CCND2: variants seen among roughly 807,000 people sequenced by gnomAD.
The protein encoded by CCND2 is G1/S-specific cyclin-D2.
In CCND2, 6 loss-of-function variants were observed where a neutral mutation model predicts 30.2. The observed-to-expected ratio is 0.20, with a 90% CI of 0.11 to 0.39. CCND2 has a LOEUF of 0.39. Among genes scored for constraint, CCND2 ranks in the 10% least tolerant of loss-of-function variants. CCND2 has a pLI of 1.00. For missense variants in CCND2, 235 were observed against 373.4 expected (o/e 0.63, Z 3.06); for synonymous variants, 150 against 153.1 (o/e 0.98, Z 0.15).
chr12:4,294,827 C>T lies in CCND2; in HGVS notation c.721-5033C>T, dbSNP rs553320897. On this transcript the variant is annotated intron_variant, in intron 4 of 4. Transcript: ENST00000261254. ...TGTGTATGTCTTCTTATAATCCAGCCCCTTTGGAAGCACTAACTCCACTCT... is the reference window on the plus strand; with the variant it reads ...TGTGTATGTCTTCTTATAATCCAGCTCCTTTGGAAGCACTAACTCCACTCT... Among the ~76,000 whole-genome samples the T allele has an allele frequency of 2.0e-5, 3 of 152,272 alleles. No individual in the cohort carries two copies. In the South Asian group the frequency reaches 6.2e-4, roughly 32 times the overall value.
At chr12:4,292,035 T>C (rs3217875) in intron 4 of CCND2, among the ~76,000 whole-genome samples, 10,507 of 152,192 alleles carry the variant, frequency 0.069, 586 homozygotes, top group East Asian at 0.28. Flanking sequence ...TGGAGAGTTC[T>C]GATGGCCACA....
In CCND2 at chr12:4,299,917, C is replaced by T. The variant is rs1445439577; in HGVS notation, c.778C>T (p.Gln260Ter). The T allele has an allele frequency of 1.2e-6, 2 of 1,614,122 alleles. No homozygotes were observed. The highest frequency in any genetic ancestry group is 1.7e-6 in the Non-Finnish European group (2 of 1,179,984). The change falls in exon 5 of 5, where the codon CAG (glutamine) becomes TAG (stop). Residue 260 changes from glutamine to a stop codon, truncating the protein, a stop_gained. Transcript: ENST00000261254. LOFTEE classifies it high-confidence loss of function. The surrounding 1 kb of genome is among the most constrained non-coding windows in gnomAD (Gnocchi z 5.2). ...GGCGGTGCTCCTCAATAGCCTGCAG[C>T]AGTACCGTCAGGACCAACGTGACGG... ...IEAVLLNSLQ[Q>*]YRQDQRDGSK...
Position 4,300,260 on chromosome 12 carries a change from A to T in CCND2, c.*251A>T. The T allele has an allele frequency of 2.5e-6, 1 of 400,062 alleles. No homozygotes were observed. The highest frequency in any genetic ancestry group is 4.5e-6 in the Non-Finnish European group (1 of 222,270). The allele number at this position is 400,062 out of a possible 1,614,324, so 24.8% of individuals were successfully genotyped here. A position where few individuals can be genotyped will look rare whatever the true frequency, so the allele number is the denominator to read the frequency against. ...TGTATATGCGAACAGTTATTGTTTG[A>T]TTATGTAAAAGTAATAGTAAAATGC... On this transcript the variant is annotated 3_prime_UTR_variant, in exon 5 of 5. Coordinates refer to ENST00000261254, the MANE Select transcript of CCND2 (RefSeq NM_001759.4).
intron 3 of CCND2, among the ~76,000 whole-genome samples, chr12:4,281,580 T>C (rs1342747027): frequency 2.0e-5 from 3 of 151,880 alleles, no homozygotes; most frequent in South Asian, 2.1e-4. Flanking sequence ...CTGGAGCTGA[T>C]GAAACACCTG....
chr12:4,278,402 G>A (rs368683690), intron 2 of CCND2, among the ~76,000 whole-genome samples: 16 of 152,094 alleles, frequency 1.1e-4, no homozygotes, highest in African/African-American at 3.9e-4. Context: ...GACCTTGGCC[G>A]TATCTCATTG....
intron 4 of CCND2, among the ~76,000 whole-genome samples, chr12:4,297,296 GC>G (rs2120585065): frequency 6.6e-6 from 1 of 152,216 alleles, no homozygotes; most frequent in African/African-American, 2.4e-5. Context: ...TTCAGGCCGG[GC>G]TCAGTGGCTT....
intron 4 of CCND2, among the ~76,000 whole-genome samples, chr12:4,296,412 G>A (rs1864168968): frequency 6.6e-6 from 1 of 152,260 alleles, no homozygotes; most frequent in Non-Finnish European, 1.5e-5. Flanking sequence ...CAAGGGCTGT[G>A]CCATGCGAAA....
At chr12:4,296,819 AAAAAC>A (rs1864176197) in intron 4 of CCND2, among the ~76,000 whole-genome samples, 1 of 152,364 alleles carries the variant, frequency 6.6e-6, no homozygotes, top group African/African-American at 2.4e-5. Context: ...TTGCAAGAAA[AAAAAC>A]AAAACAAAAA....
intron 4 of CCND2, among the ~76,000 whole-genome samples, chr12:4,295,367 G>A (rs1452180407): frequency 6.6e-6 from 1 of 152,210 alleles, no homozygotes; most frequent in African/African-American, 2.4e-5. Context: ...TTAGCGTCCT[G>A]CCTTACCACA....
chr12:4,294,323 T>C (rs947497436), intron 4 of CCND2, among the ~76,000 whole-genome samples: 3 of 152,004 alleles, frequency 2.0e-5, no homozygotes, highest in Non-Finnish European at 4.4e-5. Context: ...ATCATAGAAG[T>C]TGGAGGTCTG....
chr12:4,290,687 T>A (rs1864088828), intron 4 of CCND2, among the ~76,000 whole-genome samples: 1 of 151,392 alleles, frequency 6.6e-6, no homozygotes, highest in African/African-American at 2.4e-5. Flanking sequence ...CCCACCTCCC[T>A]TTGTCCCCCG....
intron 4 of CCND2, among the ~76,000 whole-genome samples, chr12:4,296,822 A>T (rs1192787755): frequency 6.6e-6 from 1 of 152,244 alleles, no homozygotes; most frequent in East Asian, 1.9e-4. Context: ...CAAGAAAAAA[A>T]ACAAAACAAA....
At chr12:4,290,226 C>G (rs904401635) in intron 4 of CCND2, among the ~76,000 whole-genome samples, 1 of 152,192 alleles carries the variant, frequency 6.6e-6, no homozygotes, top group African/African-American at 2.4e-5. Flanking sequence ...GGCATTTGTT[C>G]CCAGCTCAGA....
intron 2 of CCND2, among the ~76,000 whole-genome samples, chr12:4,277,870 C>T (rs1318080988): frequency 2.6e-5 from 4 of 152,244 alleles, no homozygotes; most frequent in African/African-American, 4.8e-5. Flanking sequence ...GTAGCACATA[C>T]GATATTTTTA....
chr12:4,274,776 A>T lies in CCND2; in HGVS notation c.195+541A>T, dbSNP rs867134749. Among the ~76,000 whole-genome samples the T allele has an allele frequency of 6.6e-6, 1 of 152,314 alleles. No homozygotes were observed. On this transcript the variant is annotated intron_variant, in intron 1 of 4. Coordinates refer to ENST00000261254, the MANE Select transcript of CCND2 (RefSeq NM_001759.4). The surrounding 1 kb of genome is among the most constrained non-coding windows in gnomAD (Gnocchi z 7.7). ...GGGAGCCCCGGAAGTCCCATTGAAG[A>T]AACGCGTGTTTCAGGGGAACCCAAA...
chr12:4,290,511 G>T lies in CCND2; in HGVS notation c.720+1521G>T, dbSNP rs538211573. Among the ~76,000 whole-genome samples the T allele has an allele frequency of 5.5e-4, 83 of 152,270 alleles. 5 individuals carry two copies. In the South Asian group the frequency reaches 0.016, roughly 30 times the overall value. On this transcript the variant is annotated intron_variant, in intron 4 of 4. Transcript: ENST00000261254. Reference sequence around the variant, plus strand: ...GGCTGCCTTACAAATAGGACTCTCAGCCAGTTTAAGACAAGCCCTTCCTCA... The same window carrying T: ...GGCTGCCTTACAAATAGGACTCTCATCCAGTTTAAGACAAGCCCTTCCTCA...
intron 1 of CCND2, chr12:4,275,577 T>C (rs1318024443): frequency 6.7e-6 from 1 of 149,396 alleles, no homozygotes; most frequent in Non-Finnish European, 1.5e-5. Flanking sequence ...GAGGAGGATC[T>C]GGGGATCCGG....
chr12:4,301,882 T>C lies in CCND2; in HGVS notation c.*1873T>C, dbSNP rs1206697238. On this transcript the variant is annotated 3_prime_UTR_variant, in exon 5 of 5. Coordinates refer to ENST00000261254, the MANE Select transcript of CCND2 (RefSeq NM_001759.4). ...TCTTCGTACTGGAAAAGCCCTTCCG[T>C]AGTTTGTTTTCTTCTGGTAGCATAT... is the stretch of plus-strand genomic sequence containing the variant. 1 of 232,738 alleles carries C rather than the reference T, an allele frequency of 4.3e-6. No homozygotes were observed. Among genetic ancestry groups the C allele is most frequent in the Admixed American group, 5.6e-5 (1 of 17,736 alleles). 14.4% of individuals were successfully genotyped at this position (232,738 alleles called of 1,614,324 possible). A position where few individuals can be genotyped will look rare whatever the true frequency, so the allele number is the denominator to read the frequency against.
Position 4,300,126 on chromosome 12 carries a change from C to A in CCND2, c.*117C>A. 3 of 997,056 alleles carry A rather than the reference C, an allele frequency of 3.0e-6. No homozygotes were observed. The highest frequency in any genetic ancestry group is 2.8e-6 in the Non-Finnish European group (2 of 705,692). The allele number at this position is 997,056 out of a possible 1,614,324, so 61.8% of individuals were successfully genotyped here. A position where few individuals can be genotyped will look rare whatever the true frequency, so the allele number is the denominator to read the frequency against. On this transcript the variant is annotated 3_prime_UTR_variant, in exon 5 of 5. Coordinates refer to ENST00000261254, the MANE Select transcript of CCND2 (RefSeq NM_001759.4). ...ACTTAAAAAAAAAATTCTGCCCCCACCTAGATCATATTTAAAGATCTTTTA... is the reference window on the plus strand; with the variant it reads ...ACTTAAAAAAAAAATTCTGCCCCCAACTAGATCATATTTAAAGATCTTTTA...
Sources: gnomAD v4.1 joint callset for allele counts (sites outside exome capture counted in the v4.1 genomes callset) on GRCh38, gnomAD v4.1.1 for gene constraint, Gnocchi (gnomAD v3.1) non-coding constraint, MANE v1.5 for transcripts, NCBI Gene and HGNC (gene_info 2026-07-23, HGNC 2026-07-21) for gene names.